The following HOMEZ variants were observed in gnomAD, a reference collection of about 807,000 sequenced individuals.
The protein encoded by HOMEZ is homeobox and leucine zipper protein Homez.
Under a neutral mutation model 50.1 loss-of-function variants are expected in HOMEZ, and 20 were observed. The observed-to-expected ratio is 0.40, with a 90% CI of 0.28 to 0.58. The LOEUF is 0.58. Ranked by LOEUF, HOMEZ falls within the 20% of genes least tolerant of loss-of-function variation. The pLI is 0.46. For synonymous variants in HOMEZ, 239 were observed against 254.7 expected (o/e 0.94, Z 0.59); for missense variants, 579 against 680.5 (o/e 0.85, Z 1.66).
chr14:23,275,482 C>T lies in HOMEZ; in HGVS notation c.*93G>A. 1 of 1,450,394 alleles carries T rather than the reference C, an allele frequency of 6.9e-7. No homozygotes were observed. The highest frequency in any genetic ancestry group is 9.1e-7 in the Non-Finnish European group (1 of 1,094,886). The allele number at this position is 1,450,394 out of a possible 1,614,324, so 89.8% of individuals were successfully genotyped here. ...CACAAAGCTTTTTAGTTCTCTGCCA[C>T]AAGGTAATTTTAAAAATGTGGTTTC... On this transcript the variant is annotated 3_prime_UTR_variant, in exon 2 of 2. Transcript: ENST00000357460.
chr14:23,276,229 T>C lies in HOMEZ; in HGVS notation c.999A>G (p.Gln333=). ...LPPHLEPAWP[Q]GLRHNSVPGR... is the part of the protein sequence containing the mutation. ...CTGGTACTGAGTTATGCCGTAGCCC[T>C]TGGGGCCAGGCTGGTTCCAGATGTG... is the stretch of plus-strand genomic sequence containing the variant. Residue 333 remains glutamine, a synonymous_variant, in exon 2 of 2, where the codon CAA becomes CAG. Transcript: ENST00000357460. This position sits in a 1 kb window ranked among gnomAD's most constrained non-coding sequence, Gnocchi z 4.1. The C allele has an allele frequency of 6.2e-7, 1 of 1,614,008 alleles. No individual in the cohort carries two copies. The highest frequency in any genetic ancestry group is 8.5e-7 in the Non-Finnish European group (1 of 1,179,896).
In HOMEZ at chr14:23,275,654, G is replaced by A. The variant is rs1255420949; in HGVS notation, c.1574C>T (p.Pro525Leu). ...CTCCTCCTCTTCCTCATCATCTTCT[G>A]GCAGTTCTTCCTCCTCCTCTTCCTC... ...EEEEEEEEELPEDDEEEEEEE... is the reference protein window; with the variant it reads ...EEEEEEEEELLEDDEEEEEEE... The change falls in exon 2 of 2, where the codon CCA becomes CTA. Residue 525 changes from proline (P) to leucine (L), a missense_variant. By Grantham distance (98) the Pro-to-Leu change is moderately conservative. Coordinates refer to ENST00000357460, the MANE Select transcript of HOMEZ (RefSeq NM_020834.3). 1 of 1,565,488 alleles carries A rather than the reference G, an allele frequency of 6.4e-7. No individual in the cohort carries two copies. Among genetic ancestry groups the A allele is most frequent in the South Asian group, 1.2e-5 (1 of 85,522 alleles).
intron 1 of HOMEZ, among the ~76,000 whole-genome samples, chr14:23,282,876 G>A (rs769438974): frequency 5.9e-5 from 9 of 152,186 alleles, no homozygotes; most frequent in Non-Finnish European, 1.2e-4. Flanking sequence ...CACCAGTTAT[G>A]GAACACTTCC....
Position 23,277,115 on chromosome 14 carries a change from G to C in HOMEZ, c.113C>G (p.Pro38Arg), listed in dbSNP as rs768735922. 6.2e-7 allele frequency: 1 copy of C among 1,613,850 alleles called. No individual in the cohort carries two copies. Among genetic ancestry groups the C allele is most frequent in the Non-Finnish European group, 8.5e-7 (1 of 1,179,802 alleles). The stretch of plus-strand genomic sequence containing the variant: ...TGGAGGGAGGCAGATGAGCCCCGCT[G>C]GTGAACTACTGAGACCGCTGGCCTC... ...NKEASGLSSS[P>R]AGLICLPPIS... Residue 38 changes from proline (P) to arginine (R), a missense_variant, in exon 2 of 2, where the codon CCA (proline) becomes CGA (arginine). Pro to Arg is a moderately radical substitution (Grantham distance 103). Coordinates refer to ENST00000357460, the MANE Select transcript of HOMEZ (RefSeq NM_020834.3).
chr14:23,280,847 C>G (rs1052308978), intron 1 of HOMEZ, among the ~76,000 whole-genome samples: 1 of 148,924 alleles, frequency 6.7e-6, no homozygotes, highest in Non-Finnish European at 1.5e-5. Flanking sequence ...GATCTTGGCT[C>G]ACTGCAACCT....
In HOMEZ at chr14:23,286,117, T is replaced by G; in HGVS notation, c.-165A>C. On this transcript the variant is annotated 5_prime_UTR_variant, in exon 1 of 2. Transcript: ENST00000357460. ...TCTACCCAGCCCTGCTCGAGCAAGT[T>G]GGAGGCGGGGCGGATGGGTGGGGTG... 2.5e-6 allele frequency: 3 copies of G among 1,224,422 alleles called. No homozygotes were observed. The highest frequency in any genetic ancestry group is 2.0e-6 in the Non-Finnish European group (2 of 983,668). The allele number at this position is 1,224,422 out of a possible 1,614,324, so 75.8% of individuals were successfully genotyped here. A position where few individuals can be genotyped will look rare whatever the true frequency, so the allele number is the denominator to read the frequency against.
chr14:23,276,794 G>A lies in HOMEZ; in HGVS notation c.434C>T (p.Ala145Val), dbSNP rs111256939. Residue 145 changes from alanine (A) to valine (V), a missense_variant, in exon 2 of 2, where the codon GCG becomes GTG. Transcript: ENST00000357460. This position sits in a 1 kb window ranked among gnomAD's most constrained non-coding sequence, Gnocchi z 4.1. ...AGGCACCTCCTCTGGGGGCCGTCCC[G>A]CATGATGAGTAAAAGAGAGAAGGGA... ...FKSLLSFTHH[A>V]GRPPEEVPPP... is the part of the protein sequence containing the mutation. 5.1e-5 allele frequency: 82 copies of A among 1,613,902 alleles called. No homozygotes were observed. The highest frequency in any genetic ancestry group is 1.3e-4 in the East Asian group (6 of 44,906).
Position 23,277,079 on chromosome 14 carries a change from T to C in HOMEZ, c.149A>G (p.Glu50Gly). Reference protein sequence around the residue: ...GLICLPPISEELQLVWTQAAQ... With the variant: ...GLICLPPISEGLQLVWTQAAQ... ...TGCTTGCGTCCACACAAGCTGTAGC[T>C]CCTCAGAGATTGGAGGGAGGCAGAT... is the stretch of plus-strand genomic sequence containing the variant. Residue 50 changes from glutamate to glycine, a missense_variant, in exon 2 of 2, where the codon GAG (glutamate) becomes GGG (glycine). Glu to Gly is a moderately conservative substitution (Grantham distance 98). Coordinates refer to ENST00000357460, the MANE Select transcript of HOMEZ (RefSeq NM_020834.3). The C allele has an allele frequency of 6.2e-7, 1 of 1,614,018 alleles. No homozygotes were observed. The highest frequency in any genetic ancestry group is 8.5e-7 in the Non-Finnish European group (1 of 1,179,894).
Position 23,276,038 on chromosome 14 carries a change from C to T in HOMEZ, c.1190G>A (p.Arg397Gln), listed in dbSNP as rs1287990185. ...QKLEQITGLP[R>Q]PEIIQWFGDT... ...ACCAAACCACTGAATGATCTCAGGC[C>T]GAGGTAAACCAGTGATCTGTTCTAA... is the stretch of plus-strand genomic sequence containing the variant. The change falls in exon 2 of 2, where the codon CGG becomes CAG. Residue 397 changes from arginine to glutamine, a missense_variant. Physicochemically the swap from Arg to Gln is conservative, Grantham distance 43. Coordinates refer to ENST00000357460, the MANE Select transcript of HOMEZ (RefSeq NM_020834.3). This position sits in a 1 kb window ranked among gnomAD's most constrained non-coding sequence, Gnocchi z 4.1. The T allele has an allele frequency of 3.7e-6, 6 of 1,613,684 alleles. No individual in the cohort carries two copies. The highest frequency in any genetic ancestry group is 1.3e-5 in the African/African-American group (1 of 74,902).
intron 1 of HOMEZ, among the ~76,000 whole-genome samples, chr14:23,277,921 C>G (rs1490092958): frequency 6.8e-6 from 1 of 147,152 alleles, no homozygotes; most frequent in African/African-American, 2.5e-5. Context: ...CCTCCACCTC[C>G]CAGGTTCAAG....
chr14:23,279,045 G>A (rs926194853), intron 1 of HOMEZ, among the ~76,000 whole-genome samples: 10 of 149,862 alleles, frequency 6.7e-5, no homozygotes, highest in Non-Finnish European at 1.0e-4. Flanking sequence ...GTGCAGTGGC[G>A]TGATCTTGGC....
Position 23,272,854 on chromosome 14 carries a change from TACCCAGTGGGAGAGAAGCATGGACC to T in HOMEZ, c.*2696_*2720del, listed in dbSNP as rs1250743293. On this transcript the variant is annotated 3_prime_UTR_variant, in exon 2 of 2. Coordinates refer to ENST00000357460, the MANE Select transcript of HOMEZ (RefSeq NM_020834.3). Reference sequence around the variant, plus strand: ...TACCAACAACGGAGGCATATGGGATTACCCAGTGGGAGAGAAGCATGGACCACTTCTAGATAGATCATCTTCAAGA... The same window carrying T: ...TACCAACAACGGAGGCATATGGGATTACTTCTAGATAGATCATCTTCAAGA... 1 of 1,548,732 alleles carries T rather than the reference TACCCAGTGGGAGAGAAGCATGGACC, an allele frequency of 6.5e-7. No homozygotes were observed. The highest frequency in any genetic ancestry group is 2.0e-5 in the Admixed American group (1 of 50,862).
In HOMEZ at chr14:23,276,263, G is replaced by A; in HGVS notation, c.965C>T (p.Ala322Val). Residue 322 changes from alanine (A) to valine (V), a missense_variant, in exon 2 of 2, where the codon GCA becomes GTA. By Grantham distance (64) the Ala-to-Val change is moderately conservative. Coordinates refer to ENST00000357460, the MANE Select transcript of HOMEZ (RefSeq NM_020834.3). The surrounding 1 kb of genome is among the most constrained non-coding windows in gnomAD (Gnocchi z 4.1). ...GGCTGGTTCCAGATGTGGGGGTAAT[G>A]CCTGTTCACTGGGTGACACTGACTG... is the stretch of plus-strand genomic sequence containing the variant. ...VPQSVSPSEQ[A>V]LPPHLEPAWP... The A allele has an allele frequency of 6.2e-7, 1 of 1,613,980 alleles. No individual in the cohort carries two copies. Among genetic ancestry groups the A allele is most frequent in the South Asian group, 1.1e-5 (1 of 91,070 alleles).
At chr14:23,285,744 C>T in intron 1 of HOMEZ, 169 bp downstream of exon 1, 1 of 415,450 alleles carries the variant, frequency 2.4e-6, no homozygotes, top group Non-Finnish European at 4.2e-6. Flanking sequence ...ACTCACCCTC[C>T]CCTAGTTACA....
At position 23,276,621 on chromosome 14, in the gene HOMEZ, CCTT is replaced by C; in HGVS notation, c.604_606del (p.Lys202del). ...CCACTGCCAGGTGTCATCAGGGACT[CCTT>C]TAATTTCTGGTGACTCTGTGGCAGT... On this transcript the variant is annotated inframe_deletion, in exon 2 of 2. Coordinates refer to ENST00000357460, the MANE Select transcript of HOMEZ (RefSeq NM_020834.3). This position sits in a 1 kb window ranked among gnomAD's most constrained non-coding sequence, Gnocchi z 4.1. The C allele has an allele frequency of 3.1e-6, 5 of 1,613,990 alleles. No individual in the cohort carries two copies. The highest frequency in any genetic ancestry group is 4.2e-6 in the Non-Finnish European group (5 of 1,179,882).
chr14:23,280,710 T>TTTTATTTTATTTTATTTTATTTTA (rs1555323548), intron 1 of HOMEZ, among the ~76,000 whole-genome samples: 2 of 62,100 alleles, frequency 3.2e-5, no homozygotes, highest in Non-Finnish European at 7.0e-5. Flanking sequence ...TATATTTTTA[T>TTTTATTTTATTTTATTTTATTTTA]TTTTATTTTA....
intron 1 of HOMEZ, among the ~76,000 whole-genome samples, chr14:23,281,513 T>C (rs1173443069): frequency 9.2e-5 from 14 of 152,076 alleles, no homozygotes; most frequent in Admixed American, 8.5e-4. Flanking sequence ...TACGTAAGAG[T>C]ACTACGTGCT....
intron 1 of HOMEZ, among the ~76,000 whole-genome samples, chr14:23,283,753 G>A (rs901030747): frequency 3.3e-5 from 5 of 152,100 alleles, no homozygotes; most frequent in African/African-American, 1.2e-4. Flanking sequence ...AAATTAGCCG[G>A]GCATGGTGGC....
At chr14:23,280,923 G>A (rs568105145) in intron 1 of HOMEZ, among the ~76,000 whole-genome samples, 7 of 151,222 alleles carry the variant, frequency 4.6e-5, no homozygotes, top group Admixed American at 4.0e-4. Flanking sequence ...ACAGGCGCAC[G>A]CCACCACACC....
Sources: gnomAD v4.1 joint callset for allele counts (sites outside exome capture counted in the v4.1 genomes callset) on GRCh38, gnomAD v4.1.1 for gene constraint, Gnocchi (gnomAD v3.1) non-coding constraint, MANE v1.5 for transcripts, NCBI Gene and HGNC (gene_info 2026-07-23, HGNC 2026-07-21) for gene names.